Variants in ADAMTS17 observed in about 807,000 individuals in gnomAD.
ADAMTS17 encodes A disintegrin and metalloproteinase with thrombospondin motifs 17.
ADAMTS17 carries 113 observed loss-of-function variants against 141.5 expected under a neutral mutation model. The ratio of observed to expected loss-of-function variants is 0.80; its 90% CI spans 0.69 to 0.93. The LOEUF is 0.93. ADAMTS17 is among the 40% of genes least tolerant of loss of function. The pLI, the probability that ADAMTS17 is intolerant of heterozygous loss-of-function variation, is 0.00. For synonymous variants in ADAMTS17, 768 were observed against 630.6 expected (o/e 1.22, Z -3.27); for missense variants, 1,659 against 1,517.9 (o/e 1.09, Z -1.54).
intron 8 of ADAMTS17, among the ~76,000 whole-genome samples, chr15:100,185,557 C>T (rs1350983482): frequency 6.6e-6 from 1 of 152,210 alleles, no homozygotes; most frequent in African/African-American, 2.4e-5. Context: ...TGTGCAAACT[C>T]GCCAGTGTGA....
intron 8 of ADAMTS17, among the ~76,000 whole-genome samples, chr15:100,162,477 G>C (rs1426418381): frequency 7.8e-6 from 1 of 127,776 alleles, no homozygotes; most frequent in Non-Finnish European, 1.6e-5. Flanking sequence ...CACATTATAT[G>C]TGTATATATA....
intron 20 of ADAMTS17, among the ~76,000 whole-genome samples, chr15:99,989,138 T>A (rs539143604): frequency 6.6e-6 from 1 of 152,328 alleles, no homozygotes; most frequent in African/African-American, 2.4e-5. Flanking sequence ...GAGCTTGGAC[T>A]CTGCCGGGGG....
chr15:100,162,412 GTA>G (rs927329741), intron 8 of ADAMTS17, among the ~76,000 whole-genome samples: 1 of 143,646 alleles, frequency 7.0e-6, no homozygotes, highest in South Asian at 2.2e-4. Flanking sequence ...GTATATATGT[GTA>G]TATATAACTA....
chr15:100,316,444 C>G (rs878099), intron 3 of ADAMTS17, among the ~76,000 whole-genome samples: 15,856 of 152,306 alleles, frequency 0.1, 884 homozygotes, highest in Non-Finnish European at 0.11. Context: ...TGTGCACACT[C>G]CAGTGTTCCC....
At chr15:100,332,967 CCTCACTGT>C (rs998515630) in intron 2 of ADAMTS17, among the ~76,000 whole-genome samples, 13 of 152,144 alleles carry the variant, frequency 8.5e-5, no homozygotes, top group Admixed American at 3.3e-4. Context: ...CCTCCTCCTC[CCTCACTGT>C]CTCACTGTCC....
At chr15:100,160,078 T>A (rs537472483) in intron 8 of ADAMTS17, among the ~76,000 whole-genome samples, 15 of 152,126 alleles carry the variant, frequency 9.9e-5, no homozygotes, top group African/African-American at 3.4e-4. Flanking sequence ...GAGGGTCTCA[T>A]CAGCTGCAGT....
At chr15:100,059,602 G>T (rs1475811453) in intron 15 of ADAMTS17, among the ~76,000 whole-genome samples, 1 of 152,198 alleles carries the variant, frequency 6.6e-6, no homozygotes, top group Non-Finnish European at 1.5e-5. Context: ...CAGCCTCAGA[G>T]ATTCCTTTGG....
chr15:100,006,344 G>GA (rs1416408928), intron 18 of ADAMTS17, among the ~76,000 whole-genome samples: 1 of 152,116 alleles, frequency 6.6e-6, no homozygotes, highest in Admixed American at 6.5e-5. Context: ...TCCCAATTCT[G>GA]AAAAAACTCA....
intron 6 of ADAMTS17, among the ~76,000 whole-genome samples, chr15:100,254,487 G>A (rs542707152): frequency 4.9e-4 from 75 of 152,230 alleles, no homozygotes; most frequent in Middle Eastern, 3.4e-3. Context: ...TCACTGATCC[G>A]AGACAATTCT....
chr15:100,194,792 T>C lies in ADAMTS17; in HGVS notation c.1181+4526A>G, dbSNP rs74440863. Among the ~76,000 whole-genome samples, 25 of 152,320 alleles carry C rather than the reference T, an allele frequency of 1.6e-4. No individual in the cohort carries two copies. The East Asian group carries it at 4.6e-3, about 28-fold the overall frequency. ...AAGGAGAAAACCCTGGGGCGTGTCA[T>C]CCCAGCTGGGCAGTTTCTCTCAAGG... On this transcript the variant is annotated intron_variant, in intron 8 of 21. Transcript: ENST00000268070.
chr15:100,194,931 A>G (rs895312838), intron 8 of ADAMTS17, among the ~76,000 whole-genome samples: 18 of 152,184 alleles, frequency 1.2e-4, no homozygotes, highest in African/African-American at 3.6e-4. Flanking sequence ...CCACCGCAGG[A>G]TGGAGAAAGG....
At position 99,971,869 on chromosome 15, in the gene ADAMTS17, TCAG is replaced by T. The variant is rs2141245390; in HGVS notation, c.*2530_*2532del. The T allele has an allele frequency of 6.6e-6, 1 of 152,374 alleles. No homozygotes were observed. The highest frequency in any genetic ancestry group is 1.9e-4 in the East Asian group (1 of 5,186). The allele number at this position is 152,374 out of a possible 1,614,324, so 9.4% of individuals were successfully genotyped here. A position where few individuals can be genotyped will look rare whatever the true frequency, so the allele number is the denominator to read the frequency against. ...TAACACAGAAACATCACTGCTGTGA[TCAG>T]CATCTAGTGGAACAAGAATGTTTAT... On this transcript the variant is annotated 3_prime_UTR_variant, in exon 22 of 22. Transcript: ENST00000268070.
intron 15 of ADAMTS17, among the ~76,000 whole-genome samples, chr15:100,073,883 G>A (rs1415505225): frequency 6.7e-6 from 1 of 149,468 alleles, no homozygotes; most frequent in Non-Finnish European, 1.5e-5. Context: ...CCTGCACGTT[G>A]TGCACATGTA....
At chr15:100,140,257 A>G (rs1347894105) in intron 10 of ADAMTS17, among the ~76,000 whole-genome samples, 1 of 152,108 alleles carries the variant, frequency 6.6e-6, no homozygotes, top group East Asian at 1.9e-4. Context: ...TGGCCCCCCA[A>G]AGTGCTGGGA....
chr15:100,049,969 T>A (rs2032014433), intron 17 of ADAMTS17, among the ~76,000 whole-genome samples: 1 of 152,142 alleles, frequency 6.6e-6, no homozygotes, highest in African/African-American at 2.4e-5. Flanking sequence ...TTATTATTAT[T>A]TGGGAAGAGT....
At chr15:100,041,185 T>C (rs1161628750) in intron 18 of ADAMTS17, among the ~76,000 whole-genome samples, 1 of 152,210 alleles carries the variant, frequency 6.6e-6, no homozygotes. Context: ...GGAGAACACA[T>C]TTAAAAACCA....
intron 15 of ADAMTS17, among the ~76,000 whole-genome samples, chr15:100,094,648 G>T (rs868735149): frequency 6.6e-6 from 1 of 152,142 alleles, no homozygotes; most frequent in Admixed American, 6.5e-5. Context: ...ACAGAATCAC[G>T]CACTTGTAGT....
At chr15:100,317,014 T>C (rs2045586626) in intron 3 of ADAMTS17, among the ~76,000 whole-genome samples, 2 of 152,162 alleles carry the variant, frequency 1.3e-5, no homozygotes, top group Non-Finnish European at 1.5e-5. Context: ...ACAGCAATCA[T>C]CATAGTTTTT....
intron 3 of ADAMTS17, among the ~76,000 whole-genome samples, chr15:100,315,459 C>T (rs536269471): frequency 1.3e-5 from 2 of 152,144 alleles, no homozygotes; most frequent in Admixed American, 6.5e-5. Context: ...CAGAACAGGG[C>T]TTAACACAGC....
Sources: gnomAD v4.1 joint callset for allele counts (sites outside exome capture counted in the v4.1 genomes callset) on GRCh38, gnomAD v4.1.1 for gene constraint, MANE v1.5 for transcripts, NCBI Gene and HGNC (gene_info 2026-07-23, HGNC 2026-07-21) for gene names.